Variants in MATCAP2 observed in about 807,000 individuals in gnomAD.
MATCAP2 encodes the protein putative tyrosine carboxypeptidase MATCAP2.
chr7:36,325,425 T>C, the MATCAP2 span: 2 of 152,184 alleles, frequency 1.3e-5, no homozygotes, highest in African/African-American at 4.8e-5. Flanking sequence ...AAAAATCATG[T>C]AACCTCTCCT....
the MATCAP2 span, chr7:36,366,674 T>C: frequency 6.5e-7 from 1 of 1,533,586 alleles, no homozygotes; most frequent in Non-Finnish European, 8.7e-7. Flanking sequence ...ATTACAATCT[T>C]TTCCACGAGA....
At chr7:36,338,958 A>G in the MATCAP2 span, among the ~76,000 whole-genome samples, 6 of 152,194 alleles carry the variant, frequency 3.9e-5, no homozygotes, top group Admixed American at 6.5e-5. Context: ...GAGTTGTCCT[A>G]TCTTTTTAGA....
the MATCAP2 span, chr7:36,356,797 G>T: frequency 1.0e-6 from 1 of 984,310 alleles, no homozygotes; most frequent in Non-Finnish European, 1.6e-6. Context: ...CCATAACATA[G>T]AAATAATTTG....
At chr7:36,383,921 T>G in the MATCAP2 span, 2 of 1,568,634 alleles carry the variant, frequency 1.3e-6, no homozygotes, top group South Asian at 1.2e-5. Flanking sequence ...TCTTGGCCTT[T>G]TCTCTCCCTG....
the MATCAP2 span, among the ~76,000 whole-genome samples, chr7:36,359,330 C>G: frequency 2.0e-5 from 3 of 152,212 alleles, no homozygotes; most frequent in Middle Eastern, 3.4e-3. Flanking sequence ...TCTCCCACAA[C>G]AAAGAAAGAT....
the MATCAP2 span, among the ~76,000 whole-genome samples, chr7:36,350,635 A>G: frequency 2.6e-5 from 4 of 151,638 alleles, no homozygotes; most frequent in Admixed American, 6.6e-5. Context: ...CCCAGGTTCA[A>G]GCAATTCTCT....
chr7:36,328,231 T>C, the MATCAP2 span, among the ~76,000 whole-genome samples: 1 of 30,580 alleles, frequency 3.3e-5, no homozygotes, highest in Non-Finnish European at 1.1e-4. Context: ...AATTTGTTTT[T>C]GTTTTTGTAG....
chr7:36,386,213 G>C, the MATCAP2 span, among the ~76,000 whole-genome samples: 2 of 151,750 alleles, frequency 1.3e-5, no homozygotes, highest in African/African-American at 2.4e-5. Flanking sequence ...GTCAATGAGA[G>C]AAAGGATGGA....
chr7:36,367,214 T>G, the MATCAP2 span: 1 of 1,147,888 alleles, frequency 8.7e-7, no homozygotes, highest in Non-Finnish European at 1.1e-6. Context: ...CACCGTGACG[T>G]AGCCGCTCCG....
At chr7:36,363,621 T>C in the MATCAP2 span, among the ~76,000 whole-genome samples, 1 of 152,232 alleles carries the variant, frequency 6.6e-6, no homozygotes, top group Admixed American at 6.5e-5. Flanking sequence ...AATAGTGAGC[T>C]GATTTTCCTA....
the MATCAP2 span, among the ~76,000 whole-genome samples, chr7:36,374,743 G>C: frequency 1.3e-5 from 2 of 152,078 alleles, no homozygotes; most frequent in African/African-American, 4.8e-5. Flanking sequence ...TTGTGCCCAC[G>C]TGTTCTCATT....
chr7:36,378,811 C>T, the MATCAP2 span, among the ~76,000 whole-genome samples: 8 of 152,238 alleles, frequency 5.3e-5, no homozygotes, highest in African/African-American at 1.9e-4. Flanking sequence ...CAACGGCAGA[C>T]GCCCCTTCCC....
At chr7:36,340,602 C>T in the MATCAP2 span, among the ~76,000 whole-genome samples, 16 of 152,296 alleles carry the variant, frequency 1.1e-4, no homozygotes, top group Admixed American at 1.0e-3. Context: ...TCTAGCCTTT[C>T]ATTATCTTGA....
At chr7:36,358,675 T>A in the MATCAP2 span, among the ~76,000 whole-genome samples, 1 of 152,210 alleles carries the variant, frequency 6.6e-6, no homozygotes, top group African/African-American at 2.4e-5. Flanking sequence ...CTGCATTCTT[T>A]CATTCAACAA....
the MATCAP2 span, among the ~76,000 whole-genome samples, chr7:36,331,794 T>A: frequency 2.0e-5 from 3 of 152,320 alleles, no homozygotes; most frequent in Non-Finnish European, 4.4e-5. Flanking sequence ...GTGTAATTTT[T>A]AAAAAAATTT....
At chr7:36,389,409 C>G in the MATCAP2 span, among the ~76,000 whole-genome samples, 1 of 151,954 alleles carries the variant, frequency 6.6e-6, no homozygotes, top group African/African-American at 2.4e-5. Flanking sequence ...GCCGCCCAGG[C>G]TGGAGTGCAG....
At chr7:36,357,417 T>G in the MATCAP2 span, 7 of 1,614,190 alleles carry the variant, frequency 4.3e-6, no homozygotes, top group Non-Finnish European at 5.9e-6. Context: ...TGATACTTTT[T>G]TTCCTCCTTG....
At chr7:36,328,821 G>A in the MATCAP2 span, among the ~76,000 whole-genome samples, 624 of 152,014 alleles carry the variant, frequency 4.1e-3, 3 homozygotes, top group African/African-American at 0.014. Flanking sequence ...CGAGGCAGGC[G>A]CATCCCGAGG....
chr7:36,331,631 CAACTAG>C, the MATCAP2 span, among the ~76,000 whole-genome samples: 1 of 152,008 alleles, frequency 6.6e-6, no homozygotes, highest in Middle Eastern at 3.2e-3. Context: ...TCTATGTAAA[CAACTAG>C]AACTAGATTT....
Sources: gnomAD v4.1 joint callset for allele counts (sites outside exome capture counted in the v4.1 genomes callset) on GRCh38, gnomAD v4.1.1 for gene constraint, MANE v1.5 for transcripts, NCBI Gene and HGNC (gene_info 2026-07-23, HGNC 2026-07-21) for gene names.